TIAM2: variants seen among roughly 807,000 people sequenced by gnomAD.
The protein encoded by TIAM2 is rho guanine nucleotide exchange factor TIAM2.
A neutral mutation model predicts 152.9 loss-of-function variants in TIAM2; 80 were observed. The ratio of observed to expected loss-of-function variants is 0.52; its 90% CI spans 0.44 to 0.63. TIAM2 has a LOEUF of 0.63. Ranked by LOEUF, TIAM2 falls within the 30% of genes least tolerant of loss-of-function variation. The pLI is 0.00. For missense variants in TIAM2, 1,965 were observed against 2,120.1 expected (o/e 0.93, Z 1.44); for synonymous variants, 804 against 838.0 (o/e 0.96, Z 0.70).
chr6:155,095,886 C>A (rs1163447160), intron 2 of TIAM2, among the ~76,000 whole-genome samples: 4 of 152,134 alleles, frequency 2.6e-5, no homozygotes, highest in Non-Finnish European at 5.9e-5. Flanking sequence ...ATATAACCTT[C>A]AAAAATGTTG....
Position 155,240,660 on chromosome 6 carries a change from T to C in TIAM2, c.3299T>C (p.Leu1100Pro). Residue 1100 changes from leucine to proline, a missense_variant, in exon 16 of 27, where the codon CTC becomes CCC. Leu to Pro is a moderately conservative substitution (Grantham distance 98). Coordinates refer to ENST00000682666, the MANE Select transcript of TIAM2 (RefSeq NM_012454.4). ...LARHLSDADR[L>P]RKVIQELVDT... ...CGCCACCTGTCTGATGCAGACCGCC[T>C]CCGCAAAGTCATCCAGGAGCTTGTG... The C allele has an allele frequency of 6.2e-7, 1 of 1,613,906 alleles. No homozygotes were observed. The highest frequency in any genetic ancestry group is 1.6e-4 in the Middle Eastern group (1 of 6,062).
In TIAM2 at chr6:155,252,974, C is replaced by T. The variant is rs369523558; in HGVS notation, c.4146C>T (p.Asn1382=). Residue 1382 remains asparagine (N), a synonymous_variant, in exon 24 of 27, where the codon AAC becomes AAT. Transcript: ENST00000682666. ...CCTCGAATTCCCGGCCTGCACACAA[C>T]TCTACTGACTTGGACCCATTTAAAT... The part of the protein sequence containing the change: ...KLPSNSRPAH[N]STDLDPFKFR... 3 of 1,614,098 alleles carry T rather than the reference C, an allele frequency of 1.9e-6. No homozygotes were observed. Among genetic ancestry groups the T allele is most frequent in the Non-Finnish European group, 8.5e-7 (1 of 1,180,054 alleles).
chr6:155,106,371 G>A (rs926917079), intron 2 of TIAM2, among the ~76,000 whole-genome samples: 1 of 152,064 alleles, frequency 6.6e-6, no homozygotes, highest in African/African-American at 2.4e-5. Context: ...AAAACACTCT[G>A]AACCTCTGCT....
Position 155,165,289 on chromosome 6 carries a change from C to T in TIAM2, c.2241C>T (p.Leu747=). 2 of 1,613,952 alleles carry T rather than the reference C, an allele frequency of 1.2e-6. No individual in the cohort carries two copies. Among genetic ancestry groups the T allele is most frequent in the Non-Finnish European group, 8.5e-7 (1 of 1,179,978 alleles). Residue 747 remains leucine, a synonymous_variant, in exon 9 of 27, where the codon CTC becomes CTT. Transcript: ENST00000682666. The part of the protein sequence containing the change: ...ALVCSRDDSA[L]RKRTLSLTQR... ...TATGTTCTAGAGATGACTCTGCTCT[C>T]CGGAAAAGGACACTGTCACTGACCC...
chr6:155,047,372 G>C (rs2114916679), intron 1 of TIAM2, among the ~76,000 whole-genome samples: 1 of 152,176 alleles, frequency 6.6e-6, no homozygotes, highest in South Asian at 2.1e-4. Context: ...TAGAGATGGG[G>C]TTTTGCCATG....
intron 7 of TIAM2, among the ~76,000 whole-genome samples, chr6:155,151,408 A>C (rs746807609): frequency 2.0e-5 from 3 of 152,216 alleles, no homozygotes; most frequent in Non-Finnish European, 4.4e-5. Flanking sequence ...ACATATTTAC[A>C]CTATACCCAT....
Position 155,182,270 on chromosome 6 carries a change from C to T in TIAM2, c.2752C>T (p.Arg918Trp), listed in dbSNP as rs201346736. Residue 918 changes from arginine (R) to tryptophan (W), a missense_variant, in exon 13 of 27, where the codon CGG becomes TGG. Arg to Trp is a moderately radical substitution (Grantham distance 101). This residue lies in a region of TIAM2 where 935 missense variants were observed against 980.0 expected (regional missense o/e 0.95). Transcript: ENST00000682666. ...AQVDERQHLS[R>W]IFISDVLPDG... is the part of the protein sequence containing the mutation. Reference sequence around the variant, plus strand: ...GGTGGATGAGCGTCAGCATCTCAGCCGGATATTTATAAGCGACGTTCTTCC... The same window carrying T: ...GGTGGATGAGCGTCAGCATCTCAGCTGGATATTTATAAGCGACGTTCTTCC... 7.4e-6 allele frequency: 12 copies of T among 1,614,110 alleles called. No homozygotes were observed. The Admixed American group carries it at 1.0e-4, about 13-fold the overall frequency.
At chr6:155,118,228 C>A (rs1779060087) in intron 2 of TIAM2, among the ~76,000 whole-genome samples, 1 of 152,074 alleles carries the variant, frequency 6.6e-6, no homozygotes, top group Admixed American at 6.6e-5. Context: ...TTGTCCCTGA[C>A]CCTGGTGCTT....
At chr6:155,182,884 A>G (rs1227468628) in intron 13 of TIAM2, among the ~76,000 whole-genome samples, 1 of 152,234 alleles carries the variant, frequency 6.6e-6, no homozygotes, top group Non-Finnish European at 1.5e-5. Flanking sequence ...GTTTCTTCGA[A>G]TAGTAGCTGT....
intron 15 of TIAM2, among the ~76,000 whole-genome samples, chr6:155,215,779 T>C (rs1276980893): frequency 6.7e-5 from 10 of 149,880 alleles, no homozygotes; most frequent in Non-Finnish European, 7.4e-5. Flanking sequence ...AATCCTCTTC[T>C]GGATTTTTTT....
chr6:155,067,423 AAAATT>A (rs1777722890), intron 1 of TIAM2, among the ~76,000 whole-genome samples: 1 of 152,170 alleles, frequency 6.6e-6, no homozygotes, highest in African/African-American at 2.4e-5. Context: ...ATATTTAAAT[AAAATT>A]GACTTGAGCT....
At chr6:155,159,015 A>AT (rs1193943568) in intron 7 of TIAM2, among the ~76,000 whole-genome samples, 1 of 152,160 alleles carries the variant, frequency 6.6e-6, no homozygotes, top group African/African-American at 2.4e-5. Flanking sequence ...ATTGAACTGT[A>AT]CTGAATCTCT....
chr6:155,244,955 G>A, intron 18 of TIAM2, 172 bp downstream of exon 18: 1 of 850,914 alleles, frequency 1.2e-6, no homozygotes, highest in Admixed American at 3.7e-5. Flanking sequence ...AAGGAAGGCT[G>A]TATATATTTT....
chr6:155,127,193 T>A (rs1440485649), intron 2 of TIAM2, among the ~76,000 whole-genome samples: 1 of 152,158 alleles, frequency 6.6e-6, no homozygotes, highest in Non-Finnish European at 1.5e-5. Flanking sequence ...GTTTTCCTGG[T>A]CATGGTGACA....
chr6:155,182,275 A>T lies in TIAM2; in HGVS notation c.2757A>T (p.Ile919=). The stretch of plus-strand genomic sequence containing the variant: ...ATGAGCGTCAGCATCTCAGCCGGAT[A>T]TTTATAAGCGACGTTCTTCCCGATG... ...QVDERQHLSR[I]FISDVLPDGL... Residue 919 remains isoleucine, a synonymous_variant, in exon 13 of 27, where the codon ATA becomes ATT. Coordinates refer to ENST00000682666, the MANE Select transcript of TIAM2 (RefSeq NM_012454.4). 6.2e-7 allele frequency: 1 copy of T among 1,614,152 alleles called. No individual in the cohort carries two copies. The highest frequency in any genetic ancestry group is 1.3e-5 in the African/African-American group (1 of 75,052).
At chr6:155,028,305 ATGT>A (rs1776672808) in intron 1 of TIAM2, among the ~76,000 whole-genome samples, 2 of 122,632 alleles carry the variant, frequency 1.6e-5, no homozygotes, top group Admixed American at 8.5e-5. Flanking sequence ...TACTACATAT[ATGT>A]ACTGTGTTAC....
intron 14 of TIAM2, among the ~76,000 whole-genome samples, chr6:155,200,800 G>A (rs1781457602): frequency 6.6e-6 from 1 of 152,144 alleles, no homozygotes; most frequent in Admixed American, 6.5e-5. Context: ...CTACTTGGGA[G>A]GCTGAGGCAG....
intron 1 of TIAM2, among the ~76,000 whole-genome samples, chr6:155,030,116 A>ATCACTTG (rs1776795773): frequency 6.6e-6 from 1 of 152,094 alleles, no homozygotes; most frequent in Non-Finnish European, 1.5e-5. Context: ...TTTCATAGTT[A>ATCACTTG]TCACTTGTAA....
rs773568222 is a variant in TIAM2, at chr6:155,144,577, G to C, written c.1631-29G>C. ...TTTCCTGCATCTCCAGGTCTGACCGGGATGTTATTTTGCTTCTCTGTTTCA... is the reference window on the plus strand; with the variant it reads ...TTTCCTGCATCTCCAGGTCTGACCGCGATGTTATTTTGCTTCTCTGTTTCA... On this transcript the variant is annotated intron_variant, in intron 5 of 26. Transcript: ENST00000682666. 1.3e-5 allele frequency: 19 copies of C among 1,489,476 alleles called. No individual in the cohort carries two copies. In the Middle Eastern group the frequency reaches 1.6e-3, roughly 126 times the overall value. The allele number at this position is 1,489,476 out of a possible 1,614,324, so 92.3% of individuals were successfully genotyped here.
Sources: allele counts gnomAD v4.1 joint callset (sites outside exome capture counted in the v4.1 genomes callset), GRCh38; gene constraint gnomAD v4.1.1; regional missense constraint gnomAD v4.1.1; transcripts MANE v1.5; gene names NCBI Gene and HGNC (gene_info 2026-07-23, HGNC 2026-07-21).